Variants in KIAA0040 observed in about 807,000 individuals in gnomAD.
KIAA0040 encodes the protein uncharacterized protein KIAA0040.
KIAA0040 carries 10 observed loss-of-function variants against 7.2 expected under a neutral mutation model. The observed-to-expected ratio is 1.38, with a 90% CI of 0.85 to 2.34. The LOEUF is 2.34. Among genes scored for constraint, KIAA0040 ranks in the 30% most tolerant of loss-of-function variants. The probability of loss-of-function intolerance (pLI) is 0.00; values close to 1 mark genes in which losing one functional copy is unlikely to be tolerated. For missense variants in KIAA0040, 89 were observed against 108.2 expected, an observed-to-expected ratio of 0.82 and a Z score of 0.79; for synonymous variants, 49 against 40.1, an observed-to-expected ratio of 1.22 and a Z score of -0.84.
In KIAA0040 at chr1:175,158,780, A is replaced by AT. The variant is rs1285367890; in HGVS notation, c.*1933_*1934insA. 1 of 152,140 alleles carries AT rather than the reference A, an allele frequency of 6.6e-6. No individual in the cohort carries two copies. The highest frequency in any genetic ancestry group is 2.1e-4 in the South Asian group (1 of 4,832). The allele number at this position is 152,140 out of a possible 1,614,324, so 9.4% of individuals were successfully genotyped here. A position where few individuals can be genotyped will look rare whatever the true frequency, so the allele number is the denominator to read the frequency against. The stretch of plus-strand genomic sequence containing the variant: ...GTGCTTAGGCAGTTTATGGCCATAT[A>AT]GGGTGAGAGGGCAAATGTGACTGGC... On this transcript the variant is annotated 3_prime_UTR_variant, in exon 4 of 4. Coordinates refer to ENST00000423313, the MANE Select transcript of KIAA0040 (RefSeq NM_014656.3).
intron 2 of KIAA0040, among the ~76,000 whole-genome samples, chr1:175,174,754 T>C (rs1256748157): frequency 6.6e-6 from 1 of 152,042 alleles, no homozygotes; most frequent in Non-Finnish European, 1.5e-5. Flanking sequence ...GGAGAATTCA[T>C]AGGGGAACTC....
At chr1:175,179,786 C>T (rs754938502) in intron 1 of KIAA0040, among the ~76,000 whole-genome samples, 12 of 152,192 alleles carry the variant, frequency 7.9e-5, no homozygotes, top group Non-Finnish European at 1.3e-4. Flanking sequence ...CCCTATTTCA[C>T]AGATGAATAA....
At chr1:175,190,527 T>C (rs899844513) in intron 1 of KIAA0040, among the ~76,000 whole-genome samples, 6 of 152,170 alleles carry the variant, frequency 3.9e-5, no homozygotes, top group Non-Finnish European at 4.4e-5. Context: ...TTCTCTAGCT[T>C]ACATGATTTT....
chr1:175,167,451 A>G (rs969631673), intron 2 of KIAA0040, among the ~76,000 whole-genome samples: 3 of 152,360 alleles, frequency 2.0e-5, no homozygotes, highest in Middle Eastern at 3.4e-3. Flanking sequence ...CTGAAGGGAC[A>G]GGGTAGCTGA....
At chr1:175,161,871 T>C (rs1439467932) in intron 3 of KIAA0040, among the ~76,000 whole-genome samples, 11 of 152,172 alleles carry the variant, frequency 7.2e-5, no homozygotes, top group African/African-American at 2.7e-4. Flanking sequence ...ACCTTCCTCT[T>C]CCTCATTACC....
rs556881307 is a variant in KIAA0040, at chr1:175,160,935, T to C, written c.79A>G (p.Ile27Val). The change falls in exon 4 of 4, where the codon ATC (isoleucine) becomes GTC (valine). Residue 27 changes from isoleucine to valine, a missense_variant. Transcript: ENST00000423313. ...AGGCCCAGGAGGACTCCCAGGCAGA[T>C]GGTGTTGTAGATGCCTTCTTGGTGT... ...TKHQEGIYNT[I>V]CLGVLLGLPL... 6.4e-7 allele frequency: 1 copy of C among 1,551,348 alleles called. No individual in the cohort carries two copies. The highest frequency in any genetic ancestry group is 2.4e-5 in the East Asian group (1 of 40,920).
intron 2 of KIAA0040, among the ~76,000 whole-genome samples, chr1:175,174,125 A>C (rs949405546): frequency 1.3e-5 from 2 of 151,990 alleles, no homozygotes; most frequent in African/African-American, 4.8e-5. Flanking sequence ...CTGGATTATA[A>C]ACTCACTCAG....
chr1:175,168,267 G>A (rs1676850482), intron 2 of KIAA0040, among the ~76,000 whole-genome samples: 1 of 152,150 alleles, frequency 6.6e-6, no homozygotes, highest in Non-Finnish European at 1.5e-5. Context: ...TGATCTGCTT[G>A]TAGAACATTA....
At chr1:175,165,609 A>T (rs934401840) in intron 3 of KIAA0040, among the ~76,000 whole-genome samples, 8 of 152,250 alleles carry the variant, frequency 5.3e-5, no homozygotes, top group Non-Finnish European at 4.4e-5. Context: ...TCCAGAAATC[A>T]GATGGAGAGC....
Position 175,161,035 on chromosome 1 carries a change from C to A in KIAA0040, c.-22G>T. The A allele has an allele frequency of 1.3e-6, 2 of 1,536,146 alleles. No homozygotes were observed. The highest frequency in any genetic ancestry group is 1.8e-6 in the Non-Finnish European group (2 of 1,139,142). On this transcript the variant is annotated 5_prime_UTR_variant, in exon 4 of 4. Coordinates refer to ENST00000423313, the MANE Select transcript of KIAA0040 (RefSeq NM_014656.3). ...CCATGGTGCTTGGCTAGATTAGGGC[C>A]AGAGAACCCTCTCGGCTTACAAGCA... is the stretch of plus-strand genomic sequence containing the variant.
Position 175,160,578 on chromosome 1 carries a change from T to G in KIAA0040, c.*136A>C. On this transcript the variant is annotated 3_prime_UTR_variant, in exon 4 of 4. Coordinates refer to ENST00000423313, the MANE Select transcript of KIAA0040 (RefSeq NM_014656.3). ...CTGCCCTCCACTGGGACACTTAGTCTGAGGTTTGTTCCTTGGTTGAGTAGT... is the reference window on the plus strand; with the variant it reads ...CTGCCCTCCACTGGGACACTTAGTCGGAGGTTTGTTCCTTGGTTGAGTAGT... 7 of 855,186 alleles carry G rather than the reference T, an allele frequency of 8.2e-6. No individual in the cohort carries two copies. Among genetic ancestry groups the G allele is most frequent in the South Asian group, 1.9e-5 (1 of 53,460 alleles). The allele number at this position is 855,186 out of a possible 1,614,324, so 53.0% of individuals were successfully genotyped here.
In KIAA0040 at chr1:175,179,685, T is replaced by C. The variant is rs972568334; in HGVS notation, c.-383-2001A>G. On this transcript the variant is annotated intron_variant, in intron 1 of 3. Transcript: ENST00000423313. ...ATTGGTGAAAGTCCAATGAATATCC[T>C]ACACTTACAACTCAGTTTAGTTTTT... Among the ~76,000 whole-genome samples, 3 of 152,356 alleles carry C rather than the reference T, an allele frequency of 2.0e-5. No individual in the cohort carries two copies. The South Asian group carries it at 6.2e-4, about 32-fold the overall frequency.
At chr1:175,176,830 TG>T (rs540534023) in intron 2 of KIAA0040, among the ~76,000 whole-genome samples, 19 of 152,086 alleles carry the variant, frequency 1.2e-4, no homozygotes, top group Non-Finnish European at 2.6e-4. Flanking sequence ...GCCCTCAGCA[TG>T]CCCAAACATT....
At position 175,157,054 on chromosome 1, in the gene KIAA0040, C is replaced by T. The variant is rs1676297388; in HGVS notation, c.*3660G>A. The T allele has an allele frequency of 6.6e-6, 1 of 151,806 alleles. No homozygotes were observed. Among genetic ancestry groups the T allele is most frequent in the African/African-American group, 2.4e-5 (1 of 41,296 alleles). The allele number at this position is 151,806 out of a possible 1,614,324, so 9.4% of individuals were successfully genotyped here. A position where few individuals can be genotyped will look rare whatever the true frequency, so the allele number is the denominator to read the frequency against. Reference sequence around the variant, plus strand: ...AATAGTCACATGTGGCTATTGGTACCATATTGAACCATATTGAACAGTGTA... The same window carrying T: ...AATAGTCACATGTGGCTATTGGTACTATATTGAACCATATTGAACAGTGTA... On this transcript the variant is annotated 3_prime_UTR_variant, in exon 4 of 4. Coordinates refer to ENST00000423313, the MANE Select transcript of KIAA0040 (RefSeq NM_014656.3).
At chr1:175,173,030 G>C (rs1372289623) in intron 2 of KIAA0040, among the ~76,000 whole-genome samples, 1 of 152,200 alleles carries the variant, frequency 6.6e-6, no homozygotes, top group Non-Finnish European at 1.5e-5. Flanking sequence ...TGTAGAAAGT[G>C]AGTTAACCAG....
chr1:175,170,528 C>T (rs1373316041), intron 2 of KIAA0040, among the ~76,000 whole-genome samples: 1 of 152,150 alleles, frequency 6.6e-6, no homozygotes. Flanking sequence ...CCTCCACCAC[C>T]CCCACCGCCC....
rs571540253 is a variant in KIAA0040, at chr1:175,163,955, CAG to C, written c.-134+2605_-134+2606del. On this transcript the variant is annotated intron_variant, in intron 3 of 3. Transcript: ENST00000423313. ...ACCTTGAAGATGCGTAGTATTTTGACAGAGAAATATAGGTGAAAAGGATGTTC... is the reference window on the plus strand; with the variant it reads ...ACCTTGAAGATGCGTAGTATTTTGACAGAAATATAGGTGAAAAGGATGTTC... Among the ~76,000 whole-genome samples, 257 of 152,182 alleles carry C rather than the reference CAG, an allele frequency of 1.7e-3. 1 individual carries two copies. The highest frequency in any genetic ancestry group is 5.5e-3 in the African/African-American group (230 of 41,502).
intron 1 of KIAA0040, among the ~76,000 whole-genome samples, chr1:175,187,258 G>T (rs1677696557): frequency 6.6e-6 from 1 of 152,202 alleles, no homozygotes; most frequent in African/African-American, 2.4e-5. Context: ...AGCCTAGCAT[G>T]CACACTGAAA....
intron 2 of KIAA0040, among the ~76,000 whole-genome samples, chr1:175,172,241 T>A (rs1188891990): frequency 6.6e-6 from 1 of 152,214 alleles, no homozygotes; most frequent in African/African-American, 2.4e-5. Flanking sequence ...AAATTCCAGC[T>A]GTACTAAATG....
Sources: allele counts gnomAD v4.1 joint callset (sites outside exome capture counted in the v4.1 genomes callset), GRCh38; gene constraint gnomAD v4.1.1; transcripts MANE v1.5; gene names NCBI Gene and HGNC (gene_info 2026-07-23, HGNC 2026-07-21).